The following COBLL1 variants were observed in gnomAD, a reference collection of about 807,000 sequenced individuals.
The protein encoded by COBLL1 is cordon-bleu WH2 repeat protein like 1.
A neutral mutation model predicts 94.8 loss-of-function variants in COBLL1; 50 were observed. The ratio of observed to expected loss-of-function variants is 0.53; its 90% CI spans 0.42 to 0.67. The LOEUF (loss-of-function observed/expected upper bound fraction) is 0.67. Among genes scored for constraint, COBLL1 ranks in the 30% least tolerant of loss-of-function variants. The pLI is 0.00. For synonymous variants in COBLL1, 448 were observed against 473.8 expected, an observed-to-expected ratio of 0.95 and a Z score of 0.71; for missense variants, 1,362 against 1,348.7, an observed-to-expected ratio of 1.01 and a Z score of -0.15.
chr2:164,690,786 T>C (rs1330932032), intron 13 of COBLL1, among the ~76,000 whole-genome samples: 1 of 152,138 alleles, frequency 6.6e-6, no homozygotes, highest in Non-Finnish European at 1.5e-5. Context: ...CAATATTTGT[T>C]ACTTATGTGC....
intron 2 of COBLL1, among the ~76,000 whole-genome samples, chr2:164,775,242 C>A (rs1688409104): frequency 6.6e-6 from 1 of 152,080 alleles, no homozygotes; most frequent in South Asian, 2.1e-4. Flanking sequence ...CACCCCCAAC[C>A]CCACCCACAC....
chr2:164,727,085 C>G (rs1250108265), intron 5 of COBLL1: 1 of 1,362,178 alleles, frequency 7.3e-7, no homozygotes, highest in South Asian at 1.4e-5. Context: ...TAATTTGTTT[C>G]TACTGATTCA....
chr2:164,808,005 A>G (rs1684270734), intron 2 of COBLL1, among the ~76,000 whole-genome samples: 1 of 151,968 alleles, frequency 6.6e-6, no homozygotes, highest in African/African-American at 2.4e-5. Context: ...CTTTTAGTAG[A>G]GTTGGGGTTT....
intron 2 of COBLL1, among the ~76,000 whole-genome samples, chr2:164,762,548 A>G (rs1405364198): frequency 1.3e-5 from 2 of 152,226 alleles, no homozygotes; most frequent in East Asian, 3.8e-4. Flanking sequence ...CGTTTAATCA[A>G]TATATCAAAT....
intron 2 of COBLL1, among the ~76,000 whole-genome samples, chr2:164,797,218 A>G (rs1683509766): frequency 6.6e-6 from 1 of 152,202 alleles, no homozygotes; most frequent in Non-Finnish European, 1.5e-5. Flanking sequence ...CACACTAGGC[A>G]ATGTTGGGCT....
intron 7 of COBLL1, among the ~76,000 whole-genome samples, chr2:164,715,048 T>C (rs1558946842): frequency 6.6e-6 from 1 of 152,208 alleles, no homozygotes; most frequent in Admixed American, 6.5e-5. Context: ...CCCAGAGGGT[T>C]GTCATAAGGA....
chr2:164,841,247 C>T lies in COBLL1; in HGVS notation c.-50-1G>A. The stretch of plus-strand genomic sequence containing the variant: ...CCAGCTCCCAGGCGGCGCGTCACTG[C>T]TGGGGTGGGAGAGGCCGGCGGGTCA... On this transcript the variant is annotated splice_acceptor_variant, in intron 1 of 13. Coordinates refer to ENST00000652658, the MANE Select transcript of COBLL1 (RefSeq NM_001365672.2). LOFTEE classifies it low-confidence loss of function (5UTR_SPLICE). The surrounding 1 kb of genome is among the most constrained non-coding windows in gnomAD (Gnocchi z 5.5). 1.6e-6 allele frequency: 2 copies of T among 1,226,696 alleles called. No homozygotes were observed. Among genetic ancestry groups the T allele is most frequent in the Non-Finnish European group, 1.0e-6 (1 of 985,056 alleles). The allele number at this position is 1,226,696 out of a possible 1,614,324, so 76.0% of individuals were successfully genotyped here. A position where few individuals can be genotyped will look rare whatever the true frequency, so the allele number is the denominator to read the frequency against.
chr2:164,734,094 C>T (rs1234001480), intron 3 of COBLL1, among the ~76,000 whole-genome samples: 3 of 152,054 alleles, frequency 2.0e-5, no homozygotes, highest in Admixed American at 6.6e-5. Context: ...TGTGCTTTGA[C>T]AGGCACTCCA....
chr2:164,798,933 T>C (rs1482056186), intron 2 of COBLL1, among the ~76,000 whole-genome samples: 1 of 141,682 alleles, frequency 7.1e-6, no homozygotes, highest in Non-Finnish European at 1.5e-5. Flanking sequence ...GGCAGGAGAA[T>C]GGCGTGAACC....
At chr2:164,738,010 A>G (rs1686402914) in intron 3 of COBLL1, among the ~76,000 whole-genome samples, 1 of 152,202 alleles carries the variant, frequency 6.6e-6, no homozygotes, top group African/African-American at 2.4e-5. Context: ...AGTCTAGAAC[A>G]AACTGTAACT....
At chr2:164,770,378 A>G (rs991107796) in intron 2 of COBLL1, among the ~76,000 whole-genome samples, 2 of 152,178 alleles carry the variant, frequency 1.3e-5, no homozygotes, top group African/African-American at 4.8e-5. Context: ...GACATCTACT[A>G]AAAGAAACAC....
chr2:164,804,501 T>C (rs1382091462), intron 2 of COBLL1, among the ~76,000 whole-genome samples: 1 of 152,130 alleles, frequency 6.6e-6, no homozygotes, highest in Non-Finnish European at 1.5e-5. Flanking sequence ...TTATTAAAGG[T>C]GAATATAAAT....
chr2:164,703,604 C>A (rs1324000506), intron 9 of COBLL1: 3 of 425,442 alleles, frequency 7.1e-6, no homozygotes, highest in Non-Finnish European at 1.4e-5. Context: ...CATATATATG[C>A]TAAAATTCCA....
chr2:164,738,847 G>A (rs1686454118), intron 3 of COBLL1, among the ~76,000 whole-genome samples: 1 of 152,070 alleles, frequency 6.6e-6, no homozygotes, highest in South Asian at 2.1e-4. Flanking sequence ...AAAAGTTTTG[G>A]AATTTGAAGC....
At chr2:164,739,791 G>C (rs1686499326) in intron 3 of COBLL1, among the ~76,000 whole-genome samples, 1 of 152,210 alleles carries the variant, frequency 6.6e-6, no homozygotes, top group African/African-American at 2.4e-5. Context: ...GTCATTATGA[G>C]TCTTCCCATT....
At position 164,806,165 on chromosome 2, in the gene COBLL1, A is replaced by T. The variant is rs145236062; in HGVS notation, c.41+34991T>A. On this transcript the variant is annotated intron_variant, in intron 2 of 13. Transcript: ENST00000652658. Reference sequence around the variant, plus strand: ...AAGGAAGAAAAAGGGAAGGAAAAAAAAAAACTCCAACGTCACTCCTTTGAA... The same window carrying T: ...AAGGAAGAAAAAGGGAAGGAAAAAATAAAACTCCAACGTCACTCCTTTGAA... Among the ~76,000 whole-genome samples the T allele has an allele frequency of 5.0e-3, 755 of 152,262 alleles. 20 individuals carry two copies. Among genetic ancestry groups the T allele is most frequent in the Admixed American group, 0.047 (714 of 15,298 alleles).
chr2:164,812,212 A>T (rs1684495136), intron 2 of COBLL1, among the ~76,000 whole-genome samples: 1 of 152,076 alleles, frequency 6.6e-6, no homozygotes, highest in Non-Finnish European at 1.5e-5. Flanking sequence ...TAGGTCAGCC[A>T]GTCAAGAACA....
At position 164,841,701 on chromosome 2, in the gene COBLL1, G is replaced by C. The variant is rs1244943562; in HGVS notation, c.-51+9C>G. On this transcript the variant is annotated intron_variant, in intron 1 of 13. Coordinates refer to ENST00000652658, the MANE Select transcript of COBLL1 (RefSeq NM_001365672.2). This position sits in a 1 kb window ranked among gnomAD's most constrained non-coding sequence, Gnocchi z 5.5. ...GGCTGATCTCTCTTTTCCCACCCAA[G>C]GCTCCTACGTTCTTTTCCAAAGGAG... 2.2e-6 allele frequency: 1 copy of C among 458,324 alleles called. No homozygotes were observed. Among genetic ancestry groups the C allele is most frequent in the Admixed American group, 4.2e-5 (1 of 23,896 alleles). 28.4% of individuals were successfully genotyped at this position (458,324 alleles called of 1,614,324 possible).
At chr2:164,692,119 A>G (rs1355173669) in intron 13 of COBLL1, 102 bp downstream of exon 13, 22 of 989,890 alleles carry the variant, frequency 2.2e-5, no homozygotes, top group Non-Finnish European at 3.0e-5. Flanking sequence ...TAACTTTGGG[A>G]ACCCTATTTA....
Sources: allele counts gnomAD v4.1 joint callset (sites outside exome capture counted in the v4.1 genomes callset), GRCh38; gene constraint gnomAD v4.1.1; non-coding constraint Gnocchi (gnomAD v3.1); transcripts MANE v1.5; gene names NCBI Gene and HGNC (gene_info 2026-07-23, HGNC 2026-07-21).